PLA2G4E: variants seen among roughly 807,000 people sequenced by gnomAD.
PLA2G4E encodes phospholipase A2 group IVE.
PLA2G4E carries 84 observed loss-of-function variants against 109.1 expected under a neutral mutation model. The observed-to-expected ratio is 0.77, with a 90% CI of 0.65 to 0.92. The LOEUF is 0.92. Ranked by LOEUF, PLA2G4E falls within the 40% of genes least tolerant of loss-of-function variation. The pLI, the probability that PLA2G4E is intolerant of heterozygous loss-of-function variation, is 0.00. For synonymous variants in PLA2G4E, 469 were observed against 436.1 expected (o/e 1.08, Z -0.94); for missense variants, 1,057 against 1,076.6 (o/e 0.98, Z 0.25).
chr15:42,022,978 C>T (rs911161386), intron 1 of PLA2G4E, among the ~76,000 whole-genome samples: 2 of 152,084 alleles, frequency 1.3e-5, no homozygotes, highest in Admixed American at 1.3e-4. Context: ...GGGATTTCAA[C>T]AGCTAGTGAG....
intron 1 of PLA2G4E, among the ~76,000 whole-genome samples, chr15:42,019,723 A>G (rs1388201957): frequency 1.3e-5 from 2 of 152,210 alleles, no homozygotes; most frequent in African/African-American, 4.8e-5. Context: ...CACTCTGAGC[A>G]ACATCCCAGA....
chr15:41,996,174 C>G (rs2068335466), intron 11 of PLA2G4E, among the ~76,000 whole-genome samples: 1 of 151,816 alleles, frequency 6.6e-6, no homozygotes, highest in Non-Finnish European at 1.5e-5. Flanking sequence ...TGTAGAAACC[C>G]CATCTCTACA....
intron 1 of PLA2G4E, among the ~76,000 whole-genome samples, chr15:42,014,084 G>C (rs1453565043): frequency 1.3e-5 from 2 of 151,898 alleles, no homozygotes; most frequent in Non-Finnish European, 2.9e-5. Flanking sequence ...TTGAGACAGG[G>C]TTTCACCACG....
At chr15:42,019,139 G>T (rs755106021) in intron 1 of PLA2G4E, among the ~76,000 whole-genome samples, 1 of 152,148 alleles carries the variant, frequency 6.6e-6, no homozygotes, top group African/African-American at 2.4e-5. Flanking sequence ...TCTTCAGGGC[G>T]CATGCACTCC....
chr15:41,989,636 C>A, intron 14 of PLA2G4E, 84 bp from the exon 15 acceptor site: 1 of 1,510,224 alleles, frequency 6.6e-7, no homozygotes, highest in South Asian at 1.3e-5. Flanking sequence ...CCTGCAGCCA[C>A]TGGCTCAGGC....
intron 1 of PLA2G4E, among the ~76,000 whole-genome samples, chr15:42,014,437 C>T (rs2068569027): frequency 6.6e-6 from 1 of 152,168 alleles, no homozygotes. Flanking sequence ...CCTCTCCTTT[C>T]TTCACTGAAT....
intron 6 of PLA2G4E, 134 bp from the exon 7 acceptor site, chr15:42,001,354 A>G (rs2068417738): frequency 1.2e-6 from 1 of 814,268 alleles, no homozygotes; most frequent in African/African-American, 1.7e-5. Flanking sequence ...GGGAATGCAG[A>G]ATGTGTTGAC....
chr15:42,002,769 A>G, intron 5 of PLA2G4E, 73 bp from the exon 6 acceptor site: 2 of 1,320,286 alleles, frequency 1.5e-6, no homozygotes, highest in South Asian at 2.5e-5. Flanking sequence ...CGACAAAGGG[A>G]ATAAATAGGG....
At chr15:42,016,516 T>C (rs895664587) in intron 1 of PLA2G4E, among the ~76,000 whole-genome samples, 1 of 152,080 alleles carries the variant, frequency 6.6e-6, no homozygotes, top group Non-Finnish European at 1.5e-5. Flanking sequence ...TTTGTATTTT[T>C]AGTAGAGACG....
intron 1 of PLA2G4E, among the ~76,000 whole-genome samples, chr15:42,039,565 G>A (rs911227335): frequency 3.9e-5 from 6 of 151,908 alleles, no homozygotes; most frequent in African/African-American, 1.5e-4. Flanking sequence ...ACTTGAATTT[G>A]CATATGTATG....
chr15:42,000,291 G>A lies in PLA2G4E; in HGVS notation c.674-9C>T, dbSNP rs571765739. 4.5e-6 allele frequency: 7 copies of A among 1,557,478 alleles called. No individual in the cohort carries two copies. In the South Asian group the frequency reaches 8.3e-5, roughly 19 times the overall value. ...CACCAGGAGGTCCTTCACTGGGAGA[G>A]AGGACAAGAGGGTGAGACCCTGGGA... On this transcript the variant is annotated splice_polypyrimidine_tract_variant and intron_variant, in intron 7 of 19. Coordinates refer to ENST00000399518, the Ensembl canonical transcript of PLA2G4E.
Position 42,013,801 on chromosome 15 carries a change from C to A in PLA2G4E, c.184-44G>T, listed in dbSNP as rs529772110. 3.1e-5 allele frequency: 46 copies of A among 1,496,098 alleles called. No homozygotes were observed. The African/African-American group carries it at 6.0e-4, about 20-fold the overall frequency. The allele number at this position is 1,496,098 out of a possible 1,614,324, so 92.7% of individuals were successfully genotyped here. A position where few individuals can be genotyped will look rare whatever the true frequency, so the allele number is the denominator to read the frequency against. On this transcript the variant is annotated intron_variant, in intron 1 of 19. Transcript: ENST00000399518. The stretch of plus-strand genomic sequence containing the variant: ...GAGGACTCAGTCTTCAAGCATTACT[C>A]CAAGGCCATTGCCCCGGGGGAGACT...
At chr15:41,993,026 C>G in intron 12 of PLA2G4E, 67 bp from the exon 13 acceptor site, 1 of 1,421,258 alleles carries the variant, frequency 7.0e-7, no homozygotes, top group Admixed American at 2.1e-5. Flanking sequence ...TGGACCCGGG[C>G]AGGAGGGAAG....
chr15:41,998,944 T>G (rs529062453), intron 10 of PLA2G4E: 6 of 152,172 alleles, frequency 3.9e-5, no homozygotes, highest in Middle Eastern at 6.8e-3. Flanking sequence ...TCCCAGCTAC[T>G]GGGGAGGCTG....
intron 10 of PLA2G4E, 115 bp downstream of exon 10, chr15:41,999,409 G>T: frequency 2.7e-6 from 2 of 746,172 alleles, no homozygotes; most frequent in South Asian, 3.4e-5. Context: ...CCCATGGAAA[G>T]ATGTTCAACA....
chr15:41,986,100 T>A, intron 17 of PLA2G4E, 95 bp from the exon 18 acceptor site: 2 of 1,340,264 alleles, frequency 1.5e-6, no homozygotes, highest in Non-Finnish European at 2.0e-6. Flanking sequence ...GTCTGGAGCA[T>A]CCTTCGCCTC....
At chr15:41,994,942 G>A (rs1171317658) in intron 12 of PLA2G4E, among the ~76,000 whole-genome samples, 1 of 152,230 alleles carries the variant, frequency 6.6e-6, no homozygotes, top group Non-Finnish European at 1.5e-5. Flanking sequence ...CTCAGCCCCT[G>A]GCCCTGCTCA....
At chr15:42,048,621 C>T (rs1206235694) in intron 1 of PLA2G4E, among the ~76,000 whole-genome samples, 8 of 152,088 alleles carry the variant, frequency 5.3e-5, no homozygotes, top group African/African-American at 9.7e-5. Context: ...GGAGAAATCA[C>T]GGTAAAGTCA....
intron 1 of PLA2G4E, among the ~76,000 whole-genome samples, chr15:42,050,029 C>T (rs563956045): frequency 1.2e-4 from 19 of 152,296 alleles, no homozygotes; most frequent in Non-Finnish European, 2.2e-4. Context: ...CTCTCTGACT[C>T]GCATGGAATT....
Sources: gnomAD v4.1 joint callset for allele counts (sites outside exome capture counted in the v4.1 genomes callset) on GRCh38, gnomAD v4.1.1 for gene constraint, MANE v1.5 for transcripts, NCBI Gene and HGNC (gene_info 2026-07-23, HGNC 2026-07-21) for gene names.